The following SYT9 variants were observed in gnomAD, a reference collection of about 807,000 sequenced individuals.
SYT9 encodes synaptotagmin-9.
Under a neutral mutation model 48.4 loss-of-function variants are expected in SYT9, and 22 were observed. The ratio of observed to expected loss-of-function variants is 0.45; its 90% CI spans 0.32 to 0.65. The LOEUF is 0.65. Among genes scored for constraint, SYT9 ranks in the 30% least tolerant of loss-of-function variants. The pLI is 0.03. For synonymous variants in SYT9, 265 were observed against 245.0 expected (o/e 1.08, Z -0.76); for missense variants, 577 against 622.0 (o/e 0.93, Z 0.77).
At chr11:7,248,865 A>G (rs1457335849), upstream of SYT9, among the ~76,000 whole-genome samples, 3 of 152,200 alleles carry the variant, frequency 2.0e-5, no homozygotes, top group East Asian at 3.9e-4. Flanking sequence ...AAAAGAGCCC[A>G]CATAGCCAAA....
At chr11:7,442,584 C>A (rs1352208667) in intron 6 of SYT9, among the ~76,000 whole-genome samples, 1 of 152,208 alleles carries the variant, frequency 6.6e-6, no homozygotes, top group Non-Finnish European at 1.5e-5. Flanking sequence ...CAGCTCCCCA[C>A]TCAAATTGGT....
At chr11:7,353,390 A>T (rs1020637354) in intron 3 of SYT9, among the ~76,000 whole-genome samples, 1 of 152,122 alleles carries the variant, frequency 6.6e-6, no homozygotes, top group Non-Finnish European at 1.5e-5. Flanking sequence ...GCATATAGCA[A>T]TCAGCAGCAC....
At chr11:7,320,799 T>G (rs144295170) in intron 3 of SYT9, among the ~76,000 whole-genome samples, 1 of 152,326 alleles carries the variant, frequency 6.6e-6, no homozygotes, top group African/African-American at 2.4e-5. Context: ...ATGGTGTAAT[T>G]AAACCTCTCA....
chr11:7,424,987 G>C (rs1425476056), intron 6 of SYT9, among the ~76,000 whole-genome samples: 1 of 152,092 alleles, frequency 6.6e-6, no homozygotes, highest in African/African-American at 2.4e-5. Context: ...CCTCTAGAAG[G>C]GTATAAACTT....
chr11:7,325,119 T>G (rs1225578849), intron 3 of SYT9, among the ~76,000 whole-genome samples: 2 of 152,190 alleles, frequency 1.3e-5, no homozygotes, highest in African/African-American at 4.8e-5. Flanking sequence ...ATTTATAAAG[T>G]TTAAAAATTT....
intron 3 of SYT9, among the ~76,000 whole-genome samples, chr11:7,411,184 G>T (rs1847130902): frequency 6.6e-6 from 1 of 152,146 alleles, no homozygotes; most frequent in South Asian, 2.1e-4. Context: ...GCAAGGCTTT[G>T]TTCCTGCCAT....
At chr11:7,458,065 A>T (rs1848177291) in intron 6 of SYT9, 1 of 152,266 alleles carries the variant, frequency 6.6e-6, no homozygotes, top group South Asian at 2.1e-4. Context: ...TTGATTGAAT[A>T]CCTACTATAG....
In SYT9 at chr11:7,303,252, C is replaced by T. The variant is rs147636620; in HGVS notation, c.359C>T (p.Thr120Met). The change falls in exon 2 of 7, where the codon ACG becomes ATG. Residue 120 changes from threonine to methionine, a missense_variant. By Grantham distance (81) the Thr-to-Met change is moderately conservative. Transcript: ENST00000318881. ...ENSEDFLDPP[T>M]PCPDSSMKIS... ...AGTGAGGACTTCCTAGATCCTCCCACGCCCTGCCCTGACTCCTCCATGAAG... is the reference window on the plus strand; with the variant it reads ...AGTGAGGACTTCCTAGATCCTCCCATGCCCTGCCCTGACTCCTCCATGAAG... 66 of 1,613,972 alleles carry T rather than the reference C, an allele frequency of 4.1e-5. 1 individual carries two copies. The highest frequency in any genetic ancestry group is 3.5e-4 in the South Asian group (32 of 91,086).
intron 1 of SYT9, among the ~76,000 whole-genome samples, chr11:7,255,911 TCGCTGTCAAGAAGA>T (rs951716057): frequency 6.6e-6 from 1 of 152,188 alleles, no homozygotes; most frequent in Admixed American, 6.5e-5. Flanking sequence ...ACTGGAGACT[TCGCTGTCAAGAAGA>T]TTAATTGGTT....
intron 3 of SYT9, among the ~76,000 whole-genome samples, chr11:7,350,490 C>T (rs1408601818): frequency 1.3e-5 from 2 of 152,200 alleles, no homozygotes; most frequent in South Asian, 2.1e-4. Context: ...GAGCTGCCTA[C>T]GTGCATTGAT....
intron 6 of SYT9, chr11:7,427,772 T>C (rs1847492428): frequency 6.6e-6 from 1 of 152,242 alleles, no homozygotes; most frequent in Non-Finnish European, 1.5e-5. Flanking sequence ...AGATTTAGCA[T>C]GCCAGCACGC....
chr11:7,252,721 G>A lies in SYT9; in HGVS notation c.145+390G>A, dbSNP rs1847896609. Among the ~76,000 whole-genome samples the A allele has an allele frequency of 6.6e-6, 1 of 152,244 alleles. No homozygotes were observed. Among genetic ancestry groups the A allele is most frequent in the Non-Finnish European group, 1.5e-5 (1 of 68,046 alleles). On this transcript the variant is annotated intron_variant, in intron 1 of 6. Transcript: ENST00000318881. This position sits in a 1 kb window ranked among gnomAD's most constrained non-coding sequence, Gnocchi z 6.3. ...CCGTGGGAAGGGGGACGAGGCCGAA[G>A]GAAACTCTGGGAAGTTGGGAGTTGG...
At chr11:7,424,320 C>T (rs750779570) in intron 6 of SYT9, among the ~76,000 whole-genome samples, 4 of 152,146 alleles carry the variant, frequency 2.6e-5, no homozygotes, top group Admixed American at 2.0e-4. Flanking sequence ...GAAAACTCCC[C>T]CAAGCAGACT....
intron 3 of SYT9, among the ~76,000 whole-genome samples, chr11:7,326,591 A>T (rs1849440424): frequency 6.6e-6 from 1 of 151,004 alleles, no homozygotes; most frequent in Non-Finnish European, 1.5e-5. Flanking sequence ...ATATGGAACC[A>T]AAAAAGAGCC....
chr11:7,324,641 T>C (rs1849395794), intron 3 of SYT9, among the ~76,000 whole-genome samples: 1 of 151,974 alleles, frequency 6.6e-6, no homozygotes, highest in Non-Finnish European at 1.5e-5. Context: ...ATATGAGTTT[T>C]TCTTTGGTCT....
chr11:7,311,192 T>G (rs1486015700), intron 2 of SYT9, among the ~76,000 whole-genome samples: 4 of 151,960 alleles, frequency 2.6e-5, no homozygotes, highest in Admixed American at 2.0e-4. Flanking sequence ...ATCCCAGCTA[T>G]TTGGGAGGCT....
chr11:7,311,291 G>A (rs551486894), intron 2 of SYT9, among the ~76,000 whole-genome samples: 1 of 152,276 alleles, frequency 6.6e-6, no homozygotes, highest in African/African-American at 2.4e-5. Context: ...TGACAACAGT[G>A]ACACTTCATC....
intron 6 of SYT9, chr11:7,439,613 A>C (rs1421125930): frequency 6.6e-6 from 1 of 152,414 alleles, no homozygotes; most frequent in Non-Finnish European, 1.5e-5. Flanking sequence ...GAGATTGAGC[A>C]GAGACTTCAA....
At chr11:7,317,553 C>T (rs1357044950) in intron 3 of SYT9, among the ~76,000 whole-genome samples, 1 of 152,154 alleles carries the variant, frequency 6.6e-6, no homozygotes, top group Non-Finnish European at 1.5e-5. Flanking sequence ...GGGCCCCACC[C>T]TCATGACCTC....
Sources: gnomAD v4.1 joint callset for allele counts (sites outside exome capture counted in the v4.1 genomes callset) on GRCh38, gnomAD v4.1.1 for gene constraint, Gnocchi (gnomAD v3.1) non-coding constraint, MANE v1.5 for transcripts, NCBI Gene and HGNC (gene_info 2026-07-23, HGNC 2026-07-21) for gene names.